The following PRCP variants were observed in gnomAD, a reference collection of about 807,000 sequenced individuals.
PRCP encodes lysosomal Pro-X carboxypeptidase.
A neutral mutation model predicts 54.2 loss-of-function variants in PRCP; 46 were observed. The observed-to-expected ratio is 0.85, with a 90% confidence interval of 0.67 to 1.09. PRCP has a LOEUF of 1.09. PRCP is among the 50% of genes least tolerant of loss of function. The pLI is 0.00. For missense variants in PRCP, 613 were observed against 596.8 expected, an observed-to-expected ratio of 1.03 and a Z score of -0.28; for synonymous variants, 240 against 212.2, an observed-to-expected ratio of 1.13 and a Z score of -1.14.
intron 5 of PRCP, 121 bp downstream of exon 5, chr11:82,849,793 A>T: frequency 1.1e-6 from 1 of 915,430 alleles, no homozygotes; most frequent in Non-Finnish European, 1.5e-6. Context: ...TTTGATTTGT[A>T]TAATTTTCTG....
intron 8 of PRCP, chr11:82,836,805 C>G (rs943704682): frequency 1.8e-5 from 5 of 282,702 alleles, no homozygotes; most frequent in Admixed American, 4.6e-5. Context: ...GCCCTGGCCT[C>G]CCAAAGTGCT....
intron 2 of PRCP, among the ~76,000 whole-genome samples, chr11:82,859,681 C>T (rs1253233433): frequency 1.3e-5 from 2 of 152,062 alleles, no homozygotes; most frequent in Non-Finnish European, 2.9e-5. Context: ...ATGAAAAATA[C>T]AATAAAATAA....
In PRCP at chr11:82,869,038, AAAAT is replaced by A. The variant is rs552306541; in HGVS notation, c.169-8925_169-8922del. On this transcript the variant is annotated intron_variant, in intron 1 of 8. Coordinates refer to ENST00000313010, the MANE Select transcript of PRCP (RefSeq NM_005040.4). Reference sequence around the variant, plus strand: ...GTGACAGAGCAAGACTCTGTCTCAAAAAATAAATAAATAAATAAGGAAAAAGAAA... The same window carrying A: ...GTGACAGAGCAAGACTCTGTCTCAAAAAATAAATAAATAAGGAAAAAGAAA... 5.8e-3 allele frequency among the ~76,000 whole-genome samples: 887 copies of A among 152,094 alleles called. 10 individuals are homozygous for A. The highest frequency in any genetic ancestry group is 0.02 in the African/African-American group (843 of 41,484).
chr11:82,850,552 G>C, intron 3 of PRCP, 47 bp from the exon 4 acceptor site: 2 of 1,361,372 alleles, frequency 1.5e-6, no homozygotes, highest in Non-Finnish European at 2.0e-6. Flanking sequence ...GCACATAACA[G>C]CAGCTTAGGA....
upstream of PRCP, chr11:82,900,696 C>T (rs1484253110): frequency 1.7e-6 from 1 of 572,622 alleles, no homozygotes; most frequent in East Asian, 4.0e-5. Flanking sequence ...ATGCTAGGGC[C>T]TCTTCCTAAC....
At chr11:82,850,530 G>C (rs185064834) in intron 3 of PRCP, 25 bp from the exon 4 acceptor site, 1 of 1,498,308 alleles carries the variant, frequency 6.7e-7, no homozygotes, top group Non-Finnish European at 9.0e-7. Context: ...CAAAGAACAC[G>C]GGTATAAATG....
rs1410158771 is a variant in PRCP at position 82,823,501 on chromosome 11, T to C, written c.*1405A>G. 1 of 151,656 alleles carries C rather than the reference T, an allele frequency of 6.6e-6. No homozygotes were observed. The highest frequency in any genetic ancestry group is 2.4e-5 in the African/African-American group (1 of 41,168). The allele number at this position is 151,656 out of a possible 1,614,324, so 9.4% of individuals were successfully genotyped here. On this transcript the variant is annotated 3_prime_UTR_variant, in exon 9 of 9. Coordinates refer to ENST00000313010, the MANE Select transcript of PRCP (RefSeq NM_005040.4). The stretch of plus-strand genomic sequence containing the variant: ...GATGCCAGGGAAAGTAAAGGAAATA[T>C]TTCAGCTTTCCATCCCAAGAATGAA...
At chr11:82,857,821 C>T (rs1301534457) in intron 2 of PRCP, among the ~76,000 whole-genome samples, 1 of 152,142 alleles carries the variant, frequency 6.6e-6, no homozygotes, top group Non-Finnish European at 1.5e-5. Flanking sequence ...TCTACTCATT[C>T]CCTGCCATTT....
chr11:82,827,094 C>T (rs988820710), intron 8 of PRCP: 1 of 152,154 alleles, frequency 6.6e-6, no homozygotes, highest in Non-Finnish European at 1.5e-5. Flanking sequence ...TATGGGTGTC[C>T]TAATATTTGT....
chr11:82,838,109 C>A lies in PRCP; in HGVS notation c.1274+278G>T, dbSNP rs549425328. 2.0e-5 allele frequency among the ~76,000 whole-genome samples: 3 copies of A among 152,192 alleles called. No individual in the cohort carries two copies. In the East Asian group the frequency reaches 5.8e-4, roughly 29 times the overall value. ...TAACAATAATAAGACAAATTAAGAA[C>A]AACAGATGATGCTTTATTTTGTGCT... On this transcript the variant is annotated intron_variant, in intron 8 of 8. Coordinates refer to ENST00000313010, the MANE Select transcript of PRCP (RefSeq NM_005040.4).
intron 1 of PRCP, chr11:82,884,831 T>A: frequency 1.2e-6 from 2 of 1,613,100 alleles, no homozygotes. Context: ...ACCAGAGGAG[T>A]CTTGTAATGA....
intron 1 of PRCP, among the ~76,000 whole-genome samples, chr11:82,889,201 T>TAAA (rs1177366505): frequency 7.3e-4 from 111 of 151,194 alleles, no homozygotes; most frequent in East Asian, 2.3e-3. Flanking sequence ...TTCTTTTTTT[T>TAAA]AAAAAAAATA....
intron 2 of PRCP, among the ~76,000 whole-genome samples, chr11:82,857,826 C>T (rs1397085909): frequency 2.0e-5 from 3 of 152,158 alleles, no homozygotes; most frequent in African/African-American, 7.2e-5. Flanking sequence ...TCATTCCCTG[C>T]CATTTATCTA....
intron 8 of PRCP, 192 bp from the exon 9 acceptor site, chr11:82,825,314 C>T (rs1858200379): frequency 5.1e-6 from 3 of 583,686 alleles, no homozygotes; most frequent in Non-Finnish European, 9.0e-6. Context: ...TTCATGCAAC[C>T]AGGTGCAAAA....
At chr11:82,859,836 G>T in intron 2 of PRCP, 141 bp downstream of exon 2, 1 of 720,222 alleles carries the variant, frequency 1.4e-6, no homozygotes, top group South Asian at 3.6e-5. Flanking sequence ...TATTATTAGT[G>T]TGTTAATTTT....
chr11:82,836,138 A>G, intron 8 of PRCP: 1 of 156,200 alleles, frequency 6.4e-6, no homozygotes, highest in Non-Finnish European at 1.4e-5. Flanking sequence ...GGTTGCAGTG[A>G]GCAGAGATTG....
intron 8 of PRCP, among the ~76,000 whole-genome samples, chr11:82,833,844 T>C (rs1858452082): frequency 6.6e-6 from 1 of 152,174 alleles, no homozygotes; most frequent in Non-Finnish European, 1.5e-5. Flanking sequence ...TCTACCTTTG[T>C]ATAGCTCTTC....
chr11:82,883,046 T>C (rs1316155828), intron 1 of PRCP, among the ~76,000 whole-genome samples: 1 of 152,144 alleles, frequency 6.6e-6, no homozygotes, highest in Non-Finnish European at 1.5e-5. Context: ...GGTAGAAGAA[T>C]AACTTCAGCT....
chr11:82,897,155 T>C (rs1860136958), intron 1 of PRCP, among the ~76,000 whole-genome samples: 2 of 152,220 alleles, frequency 1.3e-5, no homozygotes, highest in African/African-American at 4.8e-5. Flanking sequence ...CCAAGTGATG[T>C]ACTATCCTCT....
Sources: gnomAD v4.1 joint callset for allele counts (sites outside exome capture counted in the v4.1 genomes callset) on GRCh38, gnomAD v4.1.1 for gene constraint, MANE v1.5 for transcripts, NCBI Gene and HGNC (gene_info 2026-07-23, HGNC 2026-07-21) for gene names.